Variants in NRXN3 observed in about 807,000 individuals in gnomAD.
NRXN3 encodes the protein neurexin III.
In NRXN3, 32 loss-of-function variants were observed where a neutral mutation model predicts 137.6. The ratio of observed to expected loss-of-function variants is 0.23; its 90% CI spans 0.18 to 0.31. NRXN3 has a LOEUF of 0.31. NRXN3 is among the 10% of genes least tolerant of loss of function. NRXN3 has a pLI of 1.00. For synonymous variants in NRXN3, 798 were observed against 784.5 expected (o/e 1.02, Z -0.29); for missense variants, 1,574 against 2,062.5 (o/e 0.76, Z 4.59).
chr14:79,751,052 A>G (rs898041884), intron 19 of NRXN3, among the ~76,000 whole-genome samples: 7 of 151,848 alleles, frequency 4.6e-5, no homozygotes, highest in Non-Finnish European at 7.4e-5. Context: ...TTGGCGATGC[A>G]GGCTCTTTTT....
chr14:79,850,027 T>C (rs901867387), intron 20 of NRXN3, among the ~76,000 whole-genome samples: 1 of 152,222 alleles, frequency 6.6e-6, no homozygotes, highest in African/African-American at 2.4e-5. Flanking sequence ...GAGCCATCCA[T>C]TCTCCCAGAA....
chr14:78,627,802 A>C (rs1259465805), intron 4 of NRXN3, among the ~76,000 whole-genome samples: 4 of 152,210 alleles, frequency 2.6e-5, no homozygotes, highest in Non-Finnish European at 4.4e-5. Context: ...CTTTTCATAG[A>C]TAATATCTAG....
intron 15 of NRXN3, among the ~76,000 whole-genome samples, chr14:79,009,577 G>A (rs934251248): frequency 2.0e-5 from 3 of 152,158 alleles, no homozygotes; most frequent in Non-Finnish European, 4.4e-5. Context: ...AATATACAGA[G>A]CAAGGATCAT....
intron 15 of NRXN3, among the ~76,000 whole-genome samples, chr14:79,101,782 A>T (rs942606762): frequency 5.3e-5 from 8 of 152,178 alleles, no homozygotes; most frequent in African/African-American, 1.9e-4. Context: ...TTCTTTGCAG[A>T]TGTGATTAAA....
At chr14:78,509,172 G>A (rs1163923259) in intron 4 of NRXN3, among the ~76,000 whole-genome samples, 3 of 152,056 alleles carry the variant, frequency 2.0e-5, no homozygotes, top group Non-Finnish European at 4.4e-5. Flanking sequence ...AGTGACACAT[G>A]CTTGTAATCC....
chr14:78,487,778 A>G (rs2095589929), intron 4 of NRXN3, among the ~76,000 whole-genome samples: 2 of 151,088 alleles, frequency 1.3e-5, no homozygotes, highest in East Asian at 3.9e-4. Context: ...TAAATAAATA[A>G]ATAAATAAAT....
intron 5 of NRXN3, among the ~76,000 whole-genome samples, chr14:78,649,079 C>A (rs540498225): frequency 3.3e-5 from 5 of 152,304 alleles, no homozygotes; most frequent in Non-Finnish European, 5.9e-5. Flanking sequence ...GTCTTCCCCC[C>A]ACTCTCTTTT....
chr14:78,189,547 C>G (rs1024117026), intron 1 of NRXN3, among the ~76,000 whole-genome samples: 1 of 152,136 alleles, frequency 6.6e-6, no homozygotes, highest in Non-Finnish European at 1.5e-5. Context: ...TGATCCCAGT[C>G]CCACCTCCAA....
At chr14:78,719,900 G>C (rs1595138124) in intron 8 of NRXN3, among the ~76,000 whole-genome samples, 2 of 152,028 alleles carry the variant, frequency 1.3e-5, no homozygotes, top group Admixed American at 1.3e-4. Flanking sequence ...AGTGTTACCT[G>C]CACCTCATTC....
At chr14:78,253,912 A>G (rs2069079357) in intron 2 of NRXN3, among the ~76,000 whole-genome samples, 1 of 145,004 alleles carries the variant, frequency 6.9e-6, no homozygotes, top group Admixed American at 7.6e-5. Context: ...GCTCTTCTTT[A>G]TATCAGCCCC....
At chr14:78,964,011 T>C (rs2099412954) in intron 11 of NRXN3, among the ~76,000 whole-genome samples, 2 of 152,170 alleles carry the variant, frequency 1.3e-5, no homozygotes, top group East Asian at 3.9e-4. Flanking sequence ...TCAAGTAATC[T>C]TTCTGTCTCG....
intron 16 of NRXN3, among the ~76,000 whole-genome samples, chr14:79,633,486 G>A (rs1008915299): frequency 7.2e-5 from 11 of 152,136 alleles, no homozygotes; most frequent in African/African-American, 2.7e-4. Context: ...CTGAGAAATG[G>A]AGTTGTATCT....
chr14:78,254,678 CAAA>C (rs36116506), intron 2 of NRXN3, among the ~76,000 whole-genome samples: 2 of 122,162 alleles, frequency 1.6e-5, no homozygotes, highest in Non-Finnish European at 3.3e-5. Flanking sequence ...ACTCCATCTC[CAAA>C]AAAAAAAAAA....
intron 4 of NRXN3, among the ~76,000 whole-genome samples, chr14:78,508,713 A>G (rs541679428): frequency 1.3e-5 from 2 of 152,314 alleles, no homozygotes; most frequent in East Asian, 1.9e-4. Flanking sequence ...AAATGTATCA[A>G]AAGGCCCTTA....
intron 15 of NRXN3, among the ~76,000 whole-genome samples, chr14:79,022,454 A>G (rs1447433498): frequency 6.6e-6 from 1 of 152,172 alleles, no homozygotes; most frequent in Non-Finnish European, 1.5e-5. Context: ...ATCTAAATAG[A>G]AAGGCTGGGG....
At chr14:78,734,643 G>C (rs1211548497) in intron 8 of NRXN3, among the ~76,000 whole-genome samples, 1 of 152,208 alleles carries the variant, frequency 6.6e-6, no homozygotes, top group Admixed American at 6.5e-5. Context: ...GTTGAGGGGT[G>C]ATCAGGGAAA....
intron 16 of NRXN3, among the ~76,000 whole-genome samples, chr14:79,581,168 T>C (rs1380964630): frequency 6.6e-6 from 1 of 152,150 alleles, no homozygotes; most frequent in Non-Finnish European, 1.5e-5. Context: ...GAATGGAACT[T>C]GACCTGGATC....
chr14:79,841,891 A>C (rs2099356606), intron 20 of NRXN3, among the ~76,000 whole-genome samples: 1 of 152,256 alleles, frequency 6.6e-6, no homozygotes. Context: ...ACTAGGACTC[A>C]GGGAAATCCC....
At chr14:79,859,963 AT>A (rs2099410813) in intron 20 of NRXN3, among the ~76,000 whole-genome samples, 1 of 152,198 alleles carries the variant, frequency 6.6e-6, no homozygotes, top group Admixed American at 6.5e-5. Flanking sequence ...AAACAACATT[AT>A]AAAGACACTG....
Sources: allele counts gnomAD v4.1 joint callset (sites outside exome capture counted in the v4.1 genomes callset), GRCh38; gene constraint gnomAD v4.1.1; transcripts MANE v1.5; gene names NCBI Gene and HGNC (gene_info 2026-07-23, HGNC 2026-07-21).